Variants in AFAP1L2 observed in about 807,000 individuals in gnomAD.
AFAP1L2 encodes actin filament associated protein 1 like 2.
In AFAP1L2, 46 loss-of-function variants were observed where a neutral mutation model predicts 99.3. The ratio of observed to expected loss-of-function variants is 0.46; its 90% CI spans 0.37 to 0.59. The LOEUF is 0.59. Ranked by LOEUF, AFAP1L2 falls within the 20% of genes least tolerant of loss-of-function variation. The probability of loss-of-function intolerance (pLI) is 0.00; values close to 1 mark genes in which losing one functional copy is unlikely to be tolerated. For missense variants in AFAP1L2, 959 were observed against 1,034.9 expected (o/e 0.93, Z 1.01); for synonymous variants, 397 against 419.1 (o/e 0.95, Z 0.64).
intron 10 of AFAP1L2, among the ~76,000 whole-genome samples, chr10:114,305,360 G>GC (rs2042028549): frequency 6.7e-6 from 1 of 149,992 alleles, no homozygotes; most frequent in African/African-American, 2.5e-5. Flanking sequence ...GCTGCAGGAG[G>GC]GAGCGGGGCT....
chr10:114,365,424 A>C (rs1315227571), intron 1 of AFAP1L2, among the ~76,000 whole-genome samples: 1 of 152,246 alleles, frequency 6.6e-6, no homozygotes, highest in African/African-American at 2.4e-5. Context: ...TATGTTTCAA[A>C]TAATTTTTTT....
At chr10:114,348,244 A>G (rs17715191) in intron 1 of AFAP1L2, among the ~76,000 whole-genome samples, 19,507 of 152,230 alleles carry the variant, frequency 0.13, 1,571 homozygotes, top group Middle Eastern at 0.2. Flanking sequence ...TTATTGGGAT[A>G]TAATTTAAAT....
intron 1 of AFAP1L2, among the ~76,000 whole-genome samples, chr10:114,389,542 G>A (rs375818107): frequency 1.2e-4 from 18 of 152,346 alleles, no homozygotes; most frequent in African/African-American, 3.6e-4. Flanking sequence ...TTTGGACGCT[G>A]GCTGTCAGCC....
At chr10:114,392,757 G>A (rs1313408879) in intron 1 of AFAP1L2, among the ~76,000 whole-genome samples, 1 of 152,122 alleles carries the variant, frequency 6.6e-6, no homozygotes, top group Non-Finnish European at 1.5e-5. Flanking sequence ...TCCAAACAGA[G>A]AAGAAATCTA....
At chr10:114,310,171 C>G (rs181321314) in intron 8 of AFAP1L2, among the ~76,000 whole-genome samples, 183 bp downstream of exon 8, 130 of 152,352 alleles carry the variant, frequency 8.5e-4, no homozygotes, top group African/African-American at 3.0e-3. Context: ...AGGTGATCCA[C>G]CTGCCTCAGC....
chr10:114,299,515 A>T (rs1397904719), intron 15 of AFAP1L2, 100 bp from the exon 16 acceptor site: 1 of 1,446,100 alleles, frequency 6.9e-7, no homozygotes, highest in Admixed American at 2.1e-5. Flanking sequence ...GGGCTTTGGC[A>T]CAAAGCCCTG....
chr10:114,332,075 C>T (rs1393631334), intron 3 of AFAP1L2, among the ~76,000 whole-genome samples, 178 bp from the exon 4 acceptor site: 1 of 152,156 alleles, frequency 6.6e-6, no homozygotes, highest in African/African-American at 2.4e-5. Context: ...TAATAGGGTG[C>T]AGGAGTGCCC....
intron 1 of AFAP1L2, among the ~76,000 whole-genome samples, chr10:114,344,226 A>G (rs928793593): frequency 2.0e-5 from 3 of 152,194 alleles, no homozygotes; most frequent in Non-Finnish European, 4.4e-5. Flanking sequence ...ACTAACAGCT[A>G]TTCATGAGTT....
intron 9 of AFAP1L2, 85 bp from the exon 10 acceptor site, chr10:114,307,994 T>G: frequency 8.8e-7 from 1 of 1,131,586 alleles, no homozygotes; most frequent in East Asian, 2.4e-5. Flanking sequence ...GCAAACCCAT[T>G]TCCACTCCAT....
intron 1 of AFAP1L2, among the ~76,000 whole-genome samples, chr10:114,363,623 T>G (rs1220802791): frequency 6.6e-6 from 1 of 152,206 alleles, no homozygotes; most frequent in Non-Finnish European, 1.5e-5. Context: ...CCTAACGTTA[T>G]AGATGAAACA....
At position 114,300,453 on chromosome 10, in the gene AFAP1L2, C is replaced by T. The variant is rs750669548; in HGVS notation, c.1780G>A (p.Gly594Arg). 6.2e-7 allele frequency: 1 copy of T among 1,613,586 alleles called. No individual in the cohort carries two copies. Among genetic ancestry groups the T allele is most frequent in the Non-Finnish European group, 8.5e-7 (1 of 1,179,540 alleles). The change falls in exon 14 of 19, where the codon GGA (glycine) becomes AGA (arginine). Residue 594 changes from glycine (G) to arginine (R), a missense_variant. Coordinates refer to ENST00000304129, the MANE Select transcript of AFAP1L2 (RefSeq NM_001001936.3). ...GCAGGGGAGGCCTGTACCTGTTCTC[C>T]CAGGTTCTCTGGACACTTTATGCAG... ...EPCIKCPENL[G>R]EQQLESLEPE...
Position 114,301,372 on chromosome 10 carries a change from C to G in AFAP1L2, c.1524G>C (p.Leu508=). The G allele has an allele frequency of 6.2e-7, 1 of 1,614,156 alleles. No individual in the cohort carries two copies. Among genetic ancestry groups the G allele is most frequent in the Non-Finnish European group, 8.5e-7 (1 of 1,179,968 alleles). The change falls in exon 13 of 19, where the codon CTG becomes CTC. Residue 508 remains leucine, a synonymous_variant. Coordinates refer to ENST00000304129, the MANE Select transcript of AFAP1L2 (RefSeq NM_001001936.3). ...RQEELYDDVD[L]SELTAAVEPT... ...TCCTTACCGCAGCTGTGAGCTCTGA[C>G]AGGTCCACGTCGTCATACAGCTCCT...
chr10:114,283,823 A>G, the AFAP1L2 span, among the ~76,000 whole-genome samples: 5 of 152,254 alleles, frequency 3.3e-5, no homozygotes, highest in African/African-American at 1.2e-4. Flanking sequence ...GGCTGATACA[A>G]CAGCAGCCCC....
In AFAP1L2 at chr10:114,295,054, C is replaced by G; in HGVS notation, c.*988G>C. On this transcript the variant is annotated 3_prime_UTR_variant, in exon 19 of 19. Coordinates refer to ENST00000304129, the MANE Select transcript of AFAP1L2 (RefSeq NM_001001936.3). ...AAAAAAATGCCATCAGAGGAAAAGA[C>G]AGGGGCAGCACAAGGAACAGCACTG... 19 of 975,912 alleles carry G rather than the reference C, an allele frequency of 1.9e-5. No individual in the cohort carries two copies. The highest frequency in any genetic ancestry group is 2.3e-5 in the Non-Finnish European group (19 of 827,450). The allele number at this position is 975,912 out of a possible 1,614,324, so 60.5% of individuals were successfully genotyped here.
intron 1 of AFAP1L2, among the ~76,000 whole-genome samples, chr10:114,387,844 T>C (rs1258438489): frequency 6.6e-6 from 1 of 152,088 alleles, no homozygotes; most frequent in African/African-American, 2.4e-5. Context: ...AGACTCTGGG[T>C]AGGTCAGGGA....
chr10:114,284,718 C>T, the AFAP1L2 span: 19 of 734,084 alleles, frequency 2.6e-5, no homozygotes, highest in Non-Finnish European at 3.7e-5. Flanking sequence ...CCCCTCTCTG[C>T]TGCAGATTTC....
chr10:114,360,509 T>TAGATAGTTAGATAGATAGATAGA (rs61366681), intron 1 of AFAP1L2, among the ~76,000 whole-genome samples: 52 of 107,414 alleles, frequency 4.8e-4, no homozygotes, highest in Admixed American at 1.8e-3. Flanking sequence ...AGATAGATAG[T>TAGATAGTTAGATAGATAGATAGA]TAGATAGATA....
chr10:114,286,433 A>C, the AFAP1L2 span: 1 of 1,613,566 alleles, frequency 6.2e-7, no homozygotes, highest in Non-Finnish European at 8.5e-7. Flanking sequence ...AAAGCATGTG[A>C]TGGTCTACTC....
intron 1 of AFAP1L2, among the ~76,000 whole-genome samples, chr10:114,370,407 C>T (rs1359367065): frequency 6.6e-6 from 1 of 152,188 alleles, no homozygotes; most frequent in Non-Finnish European, 1.5e-5. Context: ...AATACTGTTC[C>T]AGCACTTCCA....
Sources: allele counts gnomAD v4.1 joint callset (sites outside exome capture counted in the v4.1 genomes callset), GRCh38; gene constraint gnomAD v4.1.1; transcripts MANE v1.5; gene names NCBI Gene and HGNC (gene_info 2026-07-23, HGNC 2026-07-21).